Variants in KCTD1 observed in about 807,000 individuals in gnomAD.
The protein encoded by KCTD1 is potassium channel tetramerization domain containing 1.
In KCTD1, 24 loss-of-function variants were observed where a neutral mutation model predicts 66.0. The observed-to-expected ratio is 0.36, with a 90% CI of 0.26 to 0.51. The LOEUF is 0.51. Ranked by LOEUF, KCTD1 falls within the 20% of genes least tolerant of loss-of-function variation. The pLI is 0.95. For missense variants in KCTD1, 943 were observed against 1,205.2 expected (o/e 0.78, Z 3.22); for synonymous variants, 511 against 517.2 (o/e 0.99, Z 0.16).
intron 1 of KCTD1, among the ~76,000 whole-genome samples, chr18:26,652,198 T>C (rs1988050080): frequency 6.6e-6 from 1 of 152,210 alleles, no homozygotes; most frequent in Non-Finnish European, 1.5e-5. Context: ...GGACATACTC[T>C]TATTTTTCCT....
chr18:26,649,926 C>T (rs1335612125), intron 1 of KCTD1, among the ~76,000 whole-genome samples: 2 of 152,138 alleles, frequency 1.3e-5, no homozygotes, highest in Admixed American at 6.5e-5. Context: ...GGTATCAGAC[C>T]GGGTCCCGTG....
intron 1 of KCTD1, among the ~76,000 whole-genome samples, chr18:26,528,134 T>C (rs1025905905): frequency 6.6e-6 from 1 of 152,222 alleles, no homozygotes; most frequent in Non-Finnish European, 1.5e-5. Flanking sequence ...TCTTATTTTA[T>C]TAGCTTTTCT....
Position 26,546,822 on chromosome 18 carries a change from T to C in KCTD1, c.1715A>G (p.Lys572Arg). ...TGGAAGAAGAGGCAGGGGGTCGTGT[T>C]TCACGGAAACCACCACCACCGCATC... The part of the protein sequence containing the change: ...PVDAVVVVSV[K>R]HDPLPLLPEA... The change falls in exon 1 of 5, where the codon AAA becomes AGA. Residue 572 changes from lysine to arginine, a missense_variant. This residue lies in a region of KCTD1 where 197 missense variants were observed against 182.7 expected (regional missense o/e 1.08). Transcript: ENST00000580059. 6.5e-7 allele frequency: 1 copy of C among 1,537,440 alleles called. No individual in the cohort carries two copies.
intron 1 of KCTD1, among the ~76,000 whole-genome samples, chr18:26,605,545 C>T (rs1227645322): frequency 6.6e-6 from 1 of 151,988 alleles, no homozygotes; most frequent in African/African-American, 2.4e-5. Flanking sequence ...CCAATTGCCT[C>T]CAGAAAAAAT....
chr18:26,504,089 CAG>C (rs1473696475), intron 1 of KCTD1, among the ~76,000 whole-genome samples: 1 of 152,214 alleles, frequency 6.6e-6, no homozygotes, highest in Non-Finnish European at 1.5e-5. Context: ...TTTTAGGAGA[CAG>C]AGTCTCTCTC....
chr18:26,624,061 G>T (rs1006532855), intron 1 of KCTD1, among the ~76,000 whole-genome samples: 2 of 152,206 alleles, frequency 1.3e-5, no homozygotes, highest in Non-Finnish European at 2.9e-5. Flanking sequence ...GCGGCATTTT[G>T]CCTCTGCCCT....
In KCTD1 at chr18:26,455,853, C is replaced by G. The variant is rs764377207; in HGVS notation, c.2488G>C (p.Gly830Arg). Reference protein sequence around the residue: ...QRGFEIVGSCGGGVDSSQFSE... With the variant: ...QRGFEIVGSCRGGVDSSQFSE... The stretch of plus-strand genomic sequence containing the variant: ...AACTGGGACGAGTCTACTCCTCCCC[C>G]ACAGGAGCCCACGATTTCAAATCCT... The change falls in exon 5 of 5, where the codon GGG (glycine) becomes CGG (arginine). Residue 830 changes from glycine (G) to arginine (R), a missense_variant. Physicochemically the swap from Gly to Arg is moderately radical, Grantham distance 125. This residue lies in a region of KCTD1 where 162 missense variants were observed against 232.4 expected (regional missense o/e 0.70). Coordinates refer to ENST00000580059, the MANE Select transcript of KCTD1 (RefSeq NM_001142730.3). 1.2e-6 allele frequency: 2 copies of G among 1,614,188 alleles called. No homozygotes were observed. Among genetic ancestry groups the G allele is most frequent in the Non-Finnish European group, 1.7e-6 (2 of 1,180,022 alleles).
chr18:26,476,736 C>T lies in KCTD1; in HGVS notation c.1989-77G>A, dbSNP rs1981370467. 1.5e-6 allele frequency: 2 copies of T among 1,352,806 alleles called. No individual in the cohort carries two copies. Among genetic ancestry groups the T allele is most frequent in the Middle Eastern group, 3.6e-4 (2 of 5,586 alleles). 83.8% of individuals were successfully genotyped at this position (1,352,806 alleles called of 1,614,324 possible). On this transcript the variant is annotated intron_variant, in intron 2 of 4. Coordinates refer to ENST00000580059, the MANE Select transcript of KCTD1 (RefSeq NM_001142730.3). This position sits in a 1 kb window ranked among gnomAD's most constrained non-coding sequence, Gnocchi z 4.9. ...ACTAGGACTAAGAGGTGTCTTTTAT[C>T]ACTGTCAAAGGTAGCACTTTTGAAG...
In KCTD1 at chr18:26,468,920, C is replaced by G. The variant is rs1980899074; in HGVS notation, c.2133+7595G>C. On this transcript the variant is annotated intron_variant, in intron 3 of 4. Transcript: ENST00000580059. This position sits in a 1 kb window ranked among gnomAD's most constrained non-coding sequence, Gnocchi z 4.8. ...AAAACTCTGACGAGGAAGAAAGCACCAATAGTACTGTTCAGGACGTGCAGA... is the reference window on the plus strand; with the variant it reads ...AAAACTCTGACGAGGAAGAAAGCACGAATAGTACTGTTCAGGACGTGCAGA... 1.3e-5 allele frequency among the ~76,000 whole-genome samples: 2 copies of G among 152,258 alleles called. No homozygotes were observed. The highest frequency in any genetic ancestry group is 4.1e-4 in the South Asian group (2 of 4,824).
Position 26,546,769 on chromosome 18 carries a change from A to AAACT in KCTD1, c.1767_1768insAGTT (p.Pro591PhefsTer27). On this transcript the variant is annotated frameshift_variant, in exon 1 of 5. Transcript: ENST00000580059. LOFTEE classifies it high-confidence loss of function. ...ATAGCAGGTGAAACTATTGTGGGAG[A>AAACT]ATTGGTGCTTCTGTGCCCATTGGCT... 6.5e-7 allele frequency: 1 copy of AAACT among 1,550,090 alleles called. No homozygotes were observed. The highest frequency in any genetic ancestry group is 8.7e-7 in the Non-Finnish European group (1 of 1,146,476).
At chr18:26,463,923 C>T (rs1340422436) in intron 3 of KCTD1, among the ~76,000 whole-genome samples, 2 of 152,124 alleles carry the variant, frequency 1.3e-5, no homozygotes, top group African/African-American at 4.8e-5. Flanking sequence ...TATGAGCTTC[C>T]CTAAGATCCT....
chr18:26,597,736 C>T (rs1986801308), intron 1 of KCTD1, among the ~76,000 whole-genome samples: 1 of 150,830 alleles, frequency 6.6e-6, no homozygotes. Flanking sequence ...TCACTGCAAC[C>T]TCCACCTCCC....
At chr18:26,653,724 T>C (rs1203657929) in intron 1 of KCTD1, among the ~76,000 whole-genome samples, 27 of 152,232 alleles carry the variant, frequency 1.8e-4, no homozygotes. Context: ...TCTTCAGTTA[T>C]CTCAAACCAA....
At chr18:26,502,934 G>A (rs1982841839) in intron 1 of KCTD1, among the ~76,000 whole-genome samples, 1 of 152,190 alleles carries the variant, frequency 6.6e-6, no homozygotes, top group Non-Finnish European at 1.5e-5. Flanking sequence ...ATCTGGAACA[G>A]CTTCAGGAGT....
At chr18:26,527,158 A>T (rs1457533993) in intron 1 of KCTD1, among the ~76,000 whole-genome samples, 1 of 152,002 alleles carries the variant, frequency 6.6e-6, no homozygotes, top group Non-Finnish European at 1.5e-5. Flanking sequence ...ACACATCCTC[A>T]CGGACTGGCC....
intron 1 of KCTD1, among the ~76,000 whole-genome samples, chr18:26,602,751 A>G (rs1986925434): frequency 1.3e-5 from 2 of 152,230 alleles, no homozygotes; most frequent in South Asian, 4.1e-4. Context: ...CATGATCCAC[A>G]TAAACTTAAG....
chr18:26,481,093 G>A (rs1981625267), intron 2 of KCTD1, among the ~76,000 whole-genome samples: 1 of 152,120 alleles, frequency 6.6e-6, no homozygotes, highest in East Asian at 1.9e-4. Flanking sequence ...TAATCATTCA[G>A]TTACTCATTC....
intron 1 of KCTD1, among the ~76,000 whole-genome samples, chr18:26,520,820 G>T (rs1441551463): frequency 6.6e-6 from 1 of 152,190 alleles, no homozygotes; most frequent in African/African-American, 2.4e-5. Flanking sequence ...ACTTTGAACT[G>T]GCATGACATT....
rs980272572 is a variant in KCTD1 at position 26,548,000 on chromosome 18, G to A, written c.537C>T (p.Ala179=). 2.6e-6 allele frequency: 4 copies of A among 1,532,798 alleles called. No individual in the cohort carries two copies. In the Admixed American group the frequency reaches 5.9e-5, roughly 23 times the overall value. 94.9% of individuals were successfully genotyped at this position (1,532,798 alleles called of 1,614,324 possible). A position where few individuals can be genotyped will look rare whatever the true frequency, so the allele number is the denominator to read the frequency against. Residue 179 remains alanine, a synonymous_variant, in exon 1 of 5, where the codon GCC becomes GCT. Transcript: ENST00000580059. ...TCAGGTACTCCCGGAAGATGCGCACGGCGTAGCGGGTGGCCAGCCGGGTGT... is the reference window on the plus strand; with the variant it reads ...TCAGGTACTCCCGGAAGATGCGCACAGCGTAGCGGGTGGCCAGCCGGGTGT... The part of the protein sequence containing the change: ...SENTRLATRY[A]VRIFREYLSE...
Sources: allele counts gnomAD v4.1 joint callset (sites outside exome capture counted in the v4.1 genomes callset), GRCh38; gene constraint gnomAD v4.1.1; regional missense constraint gnomAD v4.1.1; non-coding constraint Gnocchi (gnomAD v3.1); transcripts MANE v1.5; gene names NCBI Gene and HGNC (gene_info 2026-07-23, HGNC 2026-07-21).